The following PDE4A variants were observed in gnomAD, a reference collection of about 807,000 sequenced individuals.
The protein encoded by PDE4A is 3',5'-cyclic-AMP phosphodiesterase 4A.
PDE4A carries 21 observed loss-of-function variants against 73.9 expected under a neutral mutation model. The ratio of observed to expected loss-of-function variants is 0.28; its 90% CI spans 0.20 to 0.41. The LOEUF (loss-of-function observed/expected upper bound fraction) is 0.41, where lower values mean the gene tolerates loss of function less well. Ranked by LOEUF, PDE4A falls within the 10% of genes least tolerant of loss-of-function variation. The pLI is 1.00. For missense variants in PDE4A, 958 were observed against 1,211.4 expected, an observed-to-expected ratio of 0.79 and a Z score of 3.10; for synonymous variants, 463 against 505.4, an observed-to-expected ratio of 0.92 and a Z score of 1.13.
chr19:10,418,967 G>C, upstream of PDE4A: 2 of 985,254 alleles, frequency 2.0e-6, no homozygotes, highest in South Asian at 9.4e-5. Flanking sequence ...GCTGCTGATG[G>C]GGGGGCCGGT....
At chr19:10,418,529 G>C (rs998966359), upstream of PDE4A, among the ~76,000 whole-genome samples, 1 of 151,724 alleles carries the variant, frequency 6.6e-6, no homozygotes, top group Non-Finnish European at 1.5e-5. Context: ...TCAATTGGAG[G>C]GTTCCAGGGT....
At chr19:10,456,386 C>T (rs1450999700) in intron 7 of PDE4A, among the ~76,000 whole-genome samples, 4 of 152,040 alleles carry the variant, frequency 2.6e-5, no homozygotes, top group African/African-American at 4.8e-5. Flanking sequence ...ATTAGCTGCG[C>T]GTGTTGGCAC....
chr19:10,423,157 CTTTTTTTT>C lies in PDE4A; in HGVS notation c.320+2088_320+2095del, dbSNP rs61513692. 736 of 755,850 alleles carry C rather than the reference CTTTTTTTT, an allele frequency of 9.7e-4. 1 individual carries two copies. The highest frequency in any genetic ancestry group is 1.5e-3 in the African/African-American group (62 of 40,998). The allele number at this position is 755,850 out of a possible 1,614,324, so 46.8% of individuals were successfully genotyped here. Reference sequence around the variant, plus strand: ...GGAGCCCAGAGACAAAACCCTTTCTCTTTTTTTTTTTTTTTTTTTTTTGACAGAGTCTC... The same window carrying C: ...GGAGCCCAGAGACAAAACCCTTTCTCTTTTTTTTTTTTTTGACAGAGTCTC... On this transcript the variant is annotated intron_variant, in intron 1 of 14. Transcript: ENST00000380702.
Position 10,431,207 on chromosome 19 carries a change from G to T in PDE4A, c.320+10123G>T. 19 of 688,032 alleles carry T rather than the reference G, an allele frequency of 2.8e-5. No homozygotes were observed. In the South Asian group the frequency reaches 4.8e-4, roughly 18 times the overall value. 42.6% of individuals were successfully genotyped at this position (688,032 alleles called of 1,614,324 possible). On this transcript the variant is annotated intron_variant, in intron 1 of 14. Coordinates refer to ENST00000380702, the MANE Select transcript of PDE4A (RefSeq NM_001111307.2). ...CTTTCCTCTTCTGTCACATAGCAGC[G>T]ATCAAAATCATCCCTGACCGCCAGG... is the stretch of plus-strand genomic sequence containing the variant.
At chr19:10,462,075 CCCTTCCT>C in intron 13 of PDE4A, 76 bp downstream of exon 13, 2 of 1,214,958 alleles carry the variant, frequency 1.6e-6, no homozygotes, top group Non-Finnish European at 2.3e-6. Flanking sequence ...AGCTAACTGC[CCCTTCCT>C]CAGCCTCTTT....
intron 6 of PDE4A, 68 bp downstream of exon 6, chr19:10,451,009 C>T (rs1203781452): frequency 3.4e-6 from 5 of 1,459,580 alleles, no homozygotes; most frequent in African/African-American, 1.4e-5. Flanking sequence ...TAGAGCCAAC[C>T]GCTGGATGGG....
chr19:10,463,136 C>G (rs1246821109), intron 13 of PDE4A, among the ~76,000 whole-genome samples: 5 of 151,592 alleles, frequency 3.3e-5, no homozygotes, highest in African/African-American at 1.2e-4. Flanking sequence ...TCTCTGTCAC[C>G]CAGGCTAGAG....
intron 7 of PDE4A, among the ~76,000 whole-genome samples, chr19:10,456,574 G>A (rs1472714610): frequency 2.6e-5 from 4 of 151,714 alleles, no homozygotes; most frequent in Admixed American, 6.6e-5. Flanking sequence ...AAAACTAGTC[G>A]GGCATGGTGG....
intron 6 of PDE4A, among the ~76,000 whole-genome samples, 173 bp downstream of exon 6, chr19:10,451,114 C>A (rs1599437164): frequency 6.6e-6 from 1 of 152,112 alleles, no homozygotes. Context: ...CAGGGCCAAT[C>A]CCTGGGCGGG....
intron 1 of PDE4A, chr19:10,427,545 A>C: frequency 1.0e-6 from 1 of 985,438 alleles, no homozygotes; most frequent in Admixed American, 6.1e-5. Flanking sequence ...CTCAGTTTAC[A>C]TCTGGCTTCC....
intron 6 of PDE4A, among the ~76,000 whole-genome samples, chr19:10,451,587 G>A (rs147266647): frequency 6.6e-5 from 10 of 152,238 alleles, no homozygotes; most frequent in African/African-American, 2.4e-4. Flanking sequence ...CAGGGTTATA[G>A]GTGTGTGGGG....
In PDE4A at chr19:10,443,473, A is replaced by G. The variant is rs553887983; in HGVS notation, c.321-2745A>G. Reference sequence around the variant, plus strand: ...GGTGGGAGGATTTCTTAAGCCAGGGAGGTGGAGGTTGCATTGAGCTGAGAT... The same window carrying G: ...GGTGGGAGGATTTCTTAAGCCAGGGGGGTGGAGGTTGCATTGAGCTGAGAT... On this transcript the variant is annotated intron_variant, in intron 1 of 14. Coordinates refer to ENST00000380702, the MANE Select transcript of PDE4A (RefSeq NM_001111307.2). Among the ~76,000 whole-genome samples the G allele has an allele frequency of 1.2e-3, 177 of 147,754 alleles. 1 individual carries two copies. The highest frequency in any genetic ancestry group is 4.9e-4 in the Non-Finnish European group (33 of 67,256).
At chr19:10,443,940 G>C (rs2042970556) in intron 1 of PDE4A, among the ~76,000 whole-genome samples, 1 of 150,154 alleles carries the variant, frequency 6.7e-6, no homozygotes, top group Non-Finnish European at 1.5e-5. Flanking sequence ...CCAGGAGGCA[G>C]AGGTTGCAAT....
chr19:10,461,478 T>G (rs1406637574), intron 11 of PDE4A, 48 bp from the exon 12 acceptor site: 1 of 1,601,474 alleles, frequency 6.2e-7, no homozygotes. Flanking sequence ...CTCCTGCGGT[T>G]GGAGCTGCAC....
chr19:10,467,196 C>G lies in PDE4A; in HGVS notation c.2236C>G (p.Leu746Val), dbSNP rs754484101. 12 of 1,614,052 alleles carry G rather than the reference C, an allele frequency of 7.4e-6. No individual in the cohort carries two copies. Among genetic ancestry groups the G allele is most frequent in the South Asian group, 2.2e-5 (2 of 91,078 alleles). The part of the protein sequence containing the change: ...AQGLSGVEEA[L>V]DATIAWEASP... ...GGGATTGTCAGGAGTCGAGGAAGCTCTGGATGCAACCATAGCCTGGGAGGC... is the reference window on the plus strand; with the variant it reads ...GGGATTGTCAGGAGTCGAGGAAGCTGTGGATGCAACCATAGCCTGGGAGGC... Residue 746 changes from leucine (L) to valine (V), a missense_variant, in exon 15 of 15, where the codon CTG becomes GTG. Transcript: ENST00000380702.
chr19:10,446,784 G>T (rs1202720211), intron 2 of PDE4A, among the ~76,000 whole-genome samples: 1 of 151,848 alleles, frequency 6.6e-6, no homozygotes, highest in Non-Finnish European at 1.5e-5. Context: ...AGTAGAGACA[G>T]GGTTTCACCA....
chr19:10,461,856 G>A, intron 12 of PDE4A, 21 bp from the exon 13 acceptor site: 2 of 1,609,208 alleles, frequency 1.2e-6, no homozygotes, highest in Middle Eastern at 1.7e-4. Flanking sequence ...AGCGGCCCCA[G>A]TGACGCCCCC....
At chr19:10,450,687 C>A in intron 5 of PDE4A, 35 bp downstream of exon 5, 1 of 1,594,682 alleles carries the variant, frequency 6.3e-7, no homozygotes, top group Admixed American at 1.8e-5. Context: ...AGGGGCCCCC[C>A]TTGCTGCCCC....
At chr19:10,460,904 TCCTCCCATCTCAG>T in intron 10 of PDE4A, 87 bp from the exon 11 acceptor site, 1 of 1,310,842 alleles carries the variant, frequency 7.6e-7, no homozygotes, top group South Asian at 1.5e-5. Flanking sequence ...GCTCAAGTGA[TCCTCCCATCTCAG>T]CCTCCTAAGT....
Sources: gnomAD v4.1 joint callset for allele counts (sites outside exome capture counted in the v4.1 genomes callset) on GRCh38, gnomAD v4.1.1 for gene constraint, MANE v1.5 for transcripts, NCBI Gene and HGNC (gene_info 2026-07-23, HGNC 2026-07-21) for gene names.